Variants in ERBIN observed in about 807,000 individuals in gnomAD.
ERBIN encodes the protein densin-180-like protein.
Under a neutral mutation model 158.4 loss-of-function variants are expected in ERBIN, and 60 were observed. The ratio of observed to expected loss-of-function variants is 0.38; its 90% confidence interval spans 0.31 to 0.47. The LOEUF (loss-of-function observed/expected upper bound fraction) is 0.47. Ranked by LOEUF, ERBIN falls within the 20% of genes least tolerant of loss-of-function variation. The pLI is 0.99. For missense variants in ERBIN, 1,610 were observed against 1,648.0 expected (o/e 0.98, Z 0.40); for synonymous variants, 594 against 557.2 (o/e 1.07, Z -0.93).
chr5:65,998,281 A>G (rs1292168126), intron 4 of ERBIN, among the ~76,000 whole-genome samples: 3 of 149,540 alleles, frequency 2.0e-5, no homozygotes, highest in African/African-American at 7.3e-5. Context: ...CACTTATTAA[A>G]TTCTGTTTAT....
intron 1 of ERBIN, among the ~76,000 whole-genome samples, chr5:65,940,608 C>A (rs1229239291): frequency 7.0e-6 from 1 of 143,784 alleles, no homozygotes; most frequent in African/African-American, 2.7e-5. Flanking sequence ...GTGAGGAGCC[C>A]CTCTGCCCGG....
At chr5:65,950,196 G>A (rs1218536451) in intron 1 of ERBIN, among the ~76,000 whole-genome samples, 1 of 151,292 alleles carries the variant, frequency 6.6e-6, no homozygotes, top group South Asian at 2.1e-4. Flanking sequence ...TAGTAGAGAC[G>A]GGATTTCACC....
intron 4 of ERBIN, among the ~76,000 whole-genome samples, chr5:66,009,176 C>T (rs1461335313): frequency 6.6e-6 from 1 of 152,194 alleles, no homozygotes; most frequent in African/African-American, 2.4e-5. Flanking sequence ...CAGCAGCAGA[C>T]ACTGCCCTTT....
intron 1 of ERBIN, among the ~76,000 whole-genome samples, chr5:65,939,210 G>A (rs1744463437): frequency 6.6e-6 from 1 of 152,130 alleles, no homozygotes; most frequent in Non-Finnish European, 1.5e-5. Context: ...AGGCTGAGGC[G>A]GGTGGATCAC....
At chr5:65,951,599 A>G (rs947065051) in intron 1 of ERBIN, among the ~76,000 whole-genome samples, 1 of 152,164 alleles carries the variant, frequency 6.6e-6, no homozygotes, top group Admixed American at 6.5e-5. Context: ...CTAAACTTTT[A>G]TAATTTTTGT....
intron 1 of ERBIN, among the ~76,000 whole-genome samples, chr5:65,943,545 G>A (rs1440946956): frequency 6.6e-6 from 1 of 152,054 alleles, no homozygotes; most frequent in African/African-American, 2.4e-5. Context: ...CTTTTTTTAA[G>A]TCATTGCTCT....
At chr5:66,030,562 CTTT>C (rs766454675) in intron 14 of ERBIN, among the ~76,000 whole-genome samples, 8 of 128,312 alleles carry the variant, frequency 6.2e-5, no homozygotes, top group Non-Finnish European at 5.0e-5. Flanking sequence ...ACAGTAGCAC[CTTT>C]TTTTTTTTTT....
chr5:66,076,840 T>A (rs1762022540), intron 24 of ERBIN, 35 bp from the exon 25 acceptor site: 1 of 1,465,554 alleles, frequency 6.8e-7, no homozygotes, highest in African/African-American at 1.4e-5. Flanking sequence ...TTATACATAC[T>A]GTTTTTAGTT....
chr5:65,978,649 A>C (rs1750303974), intron 1 of ERBIN, among the ~76,000 whole-genome samples: 1 of 152,222 alleles, frequency 6.6e-6, no homozygotes, highest in Non-Finnish European at 1.5e-5. Context: ...AAGGGATAGG[A>C]TAAAGGCATT....
intron 8 of ERBIN, among the ~76,000 whole-genome samples, chr5:66,021,969 GA>G (rs1755739736): frequency 6.6e-6 from 1 of 151,170 alleles, no homozygotes; most frequent in Non-Finnish European, 1.5e-5. Flanking sequence ...AAATAAGCTA[GA>G]TTTTTTTTTT....
At chr5:66,055,220 C>A in intron 21 of ERBIN, 2 of 638,852 alleles carry the variant, frequency 3.1e-6, no homozygotes, top group Non-Finnish European at 4.2e-6. Context: ...AGATTGTGCA[C>A]ACATACTAAA....
In ERBIN at chr5:66,054,759, C is replaced by G; in HGVS notation, c.3441C>G (p.Pro1147=). The G allele has an allele frequency of 1.2e-5, 20 of 1,614,118 alleles. No individual in the cohort carries two copies. The highest frequency in any genetic ancestry group is 1.7e-5 in the Non-Finnish European group (20 of 1,180,010). ...PNASRPQSAR[P]SINEIPERTM... ...CATCAAGACCTCAGAGTGCTCGACCCTCTATTAATGAAATACCAGAGAGAA... is the reference window on the plus strand; with the variant it reads ...CATCAAGACCTCAGAGTGCTCGACCGTCTATTAATGAAATACCAGAGAGAA... The change falls in exon 21 of 26, where the codon CCC becomes CCG. Residue 1147 remains proline, a synonymous_variant. Coordinates refer to ENST00000284037, the MANE Select transcript of ERBIN (RefSeq NM_001253697.2).
At chr5:65,949,104 A>G (rs1746178614) in intron 1 of ERBIN, among the ~76,000 whole-genome samples, 1 of 152,098 alleles carries the variant, frequency 6.6e-6, no homozygotes, top group African/African-American at 2.4e-5. Flanking sequence ...AGGAAATGGT[A>G]TGTTTAGTAT....
chr5:66,013,907 T>A (rs1329034856), intron 6 of ERBIN, among the ~76,000 whole-genome samples: 1 of 152,198 alleles, frequency 6.6e-6, no homozygotes. Flanking sequence ...ATGCTTGAGA[T>A]ACTGAATGCT....
chr5:65,929,091 A>G (rs1269140177), intron 1 of ERBIN, among the ~76,000 whole-genome samples: 1 of 152,198 alleles, frequency 6.6e-6, no homozygotes, highest in Non-Finnish European at 1.5e-5. Flanking sequence ...AGATCAAACT[A>G]TTGTAAACTT....
intron 1 of ERBIN, among the ~76,000 whole-genome samples, chr5:65,928,099 A>G (rs975520464): frequency 6.6e-6 from 1 of 152,330 alleles, no homozygotes; most frequent in South Asian, 2.1e-4. Flanking sequence ...AAGAGAAAAA[A>G]TAAGTTTTAA....
intron 1 of ERBIN, among the ~76,000 whole-genome samples, chr5:65,946,914 A>G (rs1263582103): frequency 4.0e-5 from 6 of 151,726 alleles, no homozygotes; most frequent in Admixed American, 2.0e-4. Flanking sequence ...GTGCTATTCA[A>G]CATCTATATT....
intron 13 of ERBIN, among the ~76,000 whole-genome samples, chr5:66,027,726 A>G (rs1274041547): frequency 1.3e-5 from 2 of 152,038 alleles, no homozygotes; most frequent in Non-Finnish European, 1.5e-5. Context: ...GAGCATCTGC[A>G]GATTTTGGTA....
intron 1 of ERBIN, among the ~76,000 whole-genome samples, chr5:65,927,070 T>C (rs37234): frequency 0.82 from 123,256 of 150,340 alleles, 51,206 homozygotes; most frequent in Non-Finnish European, 0.89. Context: ...AAGTTTTTAG[T>C]AATCCGAAGA....
Sources: gnomAD v4.1 joint callset for allele counts (sites outside exome capture counted in the v4.1 genomes callset) on GRCh38, gnomAD v4.1.1 for gene constraint, MANE v1.5 for transcripts, NCBI Gene and HGNC (gene_info 2026-07-23, HGNC 2026-07-21) for gene names.